Variants in PTPRN2 observed in about 807,000 individuals in gnomAD.
PTPRN2 encodes the protein receptor-type tyrosine-protein phosphatase N2.
PTPRN2 carries 74 observed loss-of-function variants against 118.8 expected under a neutral mutation model. The observed-to-expected ratio is 0.62, with a 90% confidence interval of 0.52 to 0.76. The LOEUF is 0.76. Ranked by LOEUF, PTPRN2 falls within the 30% of genes least tolerant of loss-of-function variation. The pLI, the probability that PTPRN2 is intolerant of heterozygous loss-of-function variation, is 0.00. For missense variants in PTPRN2, 1,481 were observed against 1,394.4 expected (o/e 1.06, Z -0.99); for synonymous variants, 641 against 608.0 (o/e 1.05, Z -0.80).
At position 158,040,048 on chromosome 7, in the gene PTPRN2, C is replaced by T. The variant is rs1055036626; in HGVS notation, c.1723+41250G>A. Among the ~76,000 whole-genome samples the T allele has an allele frequency of 6.0e-5, 9 of 150,532 alleles. No individual in the cohort carries two copies. The East Asian group carries it at 1.7e-3, about 29-fold the overall frequency. On this transcript the variant is annotated intron_variant, in intron 11 of 22. Coordinates refer to ENST00000389418, the MANE Select transcript of PTPRN2 (RefSeq NM_002847.5). ...GAATGAGGATCTATCAATAAAAACTCCCCAAGACAAAAAGCAAAGAGAGAG... is the reference window on the plus strand; with the variant it reads ...GAATGAGGATCTATCAATAAAAACTTCCCAAGACAAAAAGCAAAGAGAGAG...
chr7:158,519,804 G>T (rs755079714), intron 1 of PTPRN2, among the ~76,000 whole-genome samples: 16 of 152,062 alleles, frequency 1.1e-4, no homozygotes, highest in Non-Finnish European at 2.1e-4. Context: ...AGGGAAGAAG[G>T]GTTACCCAAT....
chr7:157,843,968 G>A (rs1808612472), intron 12 of PTPRN2, among the ~76,000 whole-genome samples: 2 of 152,210 alleles, frequency 1.3e-5, no homozygotes, highest in Admixed American at 1.3e-4. Flanking sequence ...GGCACCGGGA[G>A]CTCTTCCACG....
intron 12 of PTPRN2, among the ~76,000 whole-genome samples, chr7:157,758,863 G>A (rs1230911514): frequency 1.3e-5 from 2 of 152,190 alleles, no homozygotes; most frequent in Non-Finnish European, 2.9e-5. Flanking sequence ...AGCCCTGCCT[G>A]CGTGGCTGCT....
chr7:157,858,151 C>CAGCT (rs1809907146), intron 12 of PTPRN2, among the ~76,000 whole-genome samples: 1 of 24,980 alleles, frequency 4.0e-5, no homozygotes, highest in Non-Finnish European at 8.2e-5. Context: ...AGAGCCCCGT[C>CAGCT]ACCACCCACA....
At chr7:157,804,624 C>A (rs976800530) in intron 12 of PTPRN2, among the ~76,000 whole-genome samples, 1 of 152,152 alleles carries the variant, frequency 6.6e-6, no homozygotes, top group Non-Finnish European at 1.5e-5. Context: ...AAGGTGAGGA[C>A]CCACGCGTGC....
Position 157,944,148 on chromosome 7 carries a change from C to T in PTPRN2, c.1724-45411G>A, listed in dbSNP as rs77607777. The stretch of plus-strand genomic sequence containing the variant: ...GGACAGGCTCCAGATGCCCGGCCTT[C>T]ATGCAGCAAACACCTTCACAGGGAA... On this transcript the variant is annotated intron_variant, in intron 11 of 22. Transcript: ENST00000389418. The surrounding 1 kb of genome is among the most constrained non-coding windows in gnomAD (Gnocchi z 4.3). Among the ~76,000 whole-genome samples the T allele has an allele frequency of 0.01, 1,548 of 152,336 alleles. 11 individuals are homozygous for T. The highest frequency in any genetic ancestry group is 0.017 in the Non-Finnish European group (1,170 of 68,032).
At chr7:158,023,111 T>G (rs1254311850) in intron 11 of PTPRN2, among the ~76,000 whole-genome samples, 1 of 152,204 alleles carries the variant, frequency 6.6e-6, no homozygotes, top group Non-Finnish European at 1.5e-5. Flanking sequence ...AGTTTTAAAC[T>G]CATTCATCTT....
At chr7:158,471,556 C>G (rs1470754350) in intron 2 of PTPRN2, among the ~76,000 whole-genome samples, 3 of 152,046 alleles carry the variant, frequency 2.0e-5, no homozygotes, top group African/African-American at 4.8e-5. Flanking sequence ...GGTGTGGTGG[C>G]AGGTGCCTGT....
Position 157,796,259 on chromosome 7 carries a change from C to T in PTPRN2, c.1788+102414G>A, listed in dbSNP as rs138968803. Among the ~76,000 whole-genome samples the T allele has an allele frequency of 4.2e-4, 64 of 152,336 alleles. No individual in the cohort carries two copies. The East Asian group carries it at 6.6e-3, about 16-fold the overall frequency. On this transcript the variant is annotated intron_variant, in intron 12 of 22. Transcript: ENST00000389418. ...GAGGACTTGTGGCGCTTTTCTTTCC[C>T]GGTGAACTTTCCCAACTGCTGATGT...
intron 1 of PTPRN2, among the ~76,000 whole-genome samples, chr7:158,496,749 A>C (rs1025986047): frequency 5.0e-3 from 1 of 202 alleles, no homozygotes; most frequent in African/African-American, 0.019. Flanking sequence ...CACCCCCTCC[A>C]CCTTCCCTGT....
chr7:157,761,910 A>T (rs941300732), intron 12 of PTPRN2, among the ~76,000 whole-genome samples: 1 of 152,190 alleles, frequency 6.6e-6, no homozygotes, highest in African/African-American at 2.4e-5. Flanking sequence ...ACAAGAAAAA[A>T]ACCCCATCAA....
intron 15 of PTPRN2, 54 bp downstream of exon 15, chr7:157,621,308 G>A: frequency 6.3e-7 from 1 of 1,578,544 alleles, no homozygotes; most frequent in Non-Finnish European, 8.6e-7. Context: ...GGTCAGCACG[G>A]CCAGTTTCCA....
At chr7:157,655,197 A>G (rs922533677) in intron 14 of PTPRN2, among the ~76,000 whole-genome samples, 2 of 152,206 alleles carry the variant, frequency 1.3e-5, no homozygotes, top group African/African-American at 4.8e-5. Context: ...GGATCGGGAA[A>G]GCCAGGCTTC....
chr7:157,765,977 CACA>C (rs1802451328), intron 12 of PTPRN2, among the ~76,000 whole-genome samples: 1 of 150,226 alleles, frequency 6.7e-6, no homozygotes, highest in African/African-American at 2.5e-5. Flanking sequence ...TTCATCCACC[CACA>C]CACCCATCCA....
In PTPRN2 at chr7:158,256,117, G is replaced by A. The variant is rs770866689; in HGVS notation, c.278-50844C>T. 1.1e-4 allele frequency among the ~76,000 whole-genome samples: 16 copies of A among 152,146 alleles called. 1 individual carries two copies. The highest frequency in any genetic ancestry group is 6.5e-4 in the Admixed American group (10 of 15,274). On this transcript the variant is annotated intron_variant, in intron 3 of 22. Coordinates refer to ENST00000389418, the MANE Select transcript of PTPRN2 (RefSeq NM_002847.5). Reference sequence around the variant, plus strand: ...GTCCCGTGTCTACTGCAGGACCTTCGGGGGAGGCCTGCCTGCAGAATCTCT... The same window carrying A: ...GTCCCGTGTCTACTGCAGGACCTTCAGGGGAGGCCTGCCTGCAGAATCTCT...
At chr7:157,827,341 A>G (rs974466021) in intron 12 of PTPRN2, among the ~76,000 whole-genome samples, 2 of 145,190 alleles carry the variant, frequency 1.4e-5, no homozygotes, top group African/African-American at 5.0e-5. Flanking sequence ...GCACCCATTT[A>G]TGGATGAAGG....
intron 11 of PTPRN2, among the ~76,000 whole-genome samples, chr7:157,914,568 T>C (rs1798289408): frequency 6.6e-6 from 1 of 151,976 alleles, no homozygotes; most frequent in South Asian, 2.1e-4. Context: ...CGGCAATGGC[T>C]TTCCCAATAA....
rs1377122559 is a variant in PTPRN2 at position 157,787,842 on chromosome 7, C to T, written c.1789-104905G>A. Among the ~76,000 whole-genome samples the T allele has an allele frequency of 6.6e-6, 1 of 152,134 alleles. No individual in the cohort carries two copies. Among genetic ancestry groups the T allele is most frequent in the Non-Finnish European group, 1.5e-5 (1 of 68,008 alleles). ...CTGCCAAGGGCTGGGGTGGGCTGTT[C>T]CCCTCTTGGCATCTCCCTCACACCT... On this transcript the variant is annotated intron_variant, in intron 12 of 22. Coordinates refer to ENST00000389418, the MANE Select transcript of PTPRN2 (RefSeq NM_002847.5). The surrounding 1 kb of genome is among the most constrained non-coding windows in gnomAD (Gnocchi z 5.3).
chr7:158,111,196 G>A (rs1466652331), intron 9 of PTPRN2, among the ~76,000 whole-genome samples: 1 of 152,252 alleles, frequency 6.6e-6, no homozygotes, highest in East Asian at 1.9e-4. Context: ...GGAGAAGGGA[G>A]AAGGGACAGG....
Sources: gnomAD v4.1 joint callset for allele counts (sites outside exome capture counted in the v4.1 genomes callset) on GRCh38, gnomAD v4.1.1 for gene constraint, Gnocchi (gnomAD v3.1) non-coding constraint, MANE v1.5 for transcripts, NCBI Gene and HGNC (gene_info 2026-07-23, HGNC 2026-07-21) for gene names.